The following PPP3CA variants were observed in gnomAD, a reference collection of about 807,000 sequenced individuals.
PPP3CA encodes protein phosphatase 3 catalytic subunit alpha, also known as CAM-PRP catalytic subunit.
Under a neutral mutation model 66.5 loss-of-function variants are expected in PPP3CA, and 14 were observed. The ratio of observed to expected loss-of-function variants is 0.21; its 90% CI spans 0.14 to 0.33. PPP3CA has a LOEUF of 0.33. Ranked by LOEUF, PPP3CA falls within the 10% of genes least tolerant of loss-of-function variation. The pLI is 1.00. For synonymous variants in PPP3CA, 232 were observed against 226.2 expected (o/e 1.03, Z -0.23); for missense variants, 317 against 639.5 (o/e 0.50, Z 5.44).
At chr4:101,269,508 CTTA>C (rs1355708046) in intron 1 of PPP3CA, among the ~76,000 whole-genome samples, 3 of 149,656 alleles carry the variant, frequency 2.0e-5, no homozygotes, top group Non-Finnish European at 4.5e-5. Flanking sequence ...GTTTTGTCTT[CTTA>C]TCATGCACAG....
chr4:101,278,271 A>G (rs1398463974), intron 1 of PPP3CA, among the ~76,000 whole-genome samples: 1 of 152,112 alleles, frequency 6.6e-6, no homozygotes, highest in Non-Finnish European at 1.5e-5. Flanking sequence ...ATGTCTTTAA[A>G]ATATATTCAA....
In PPP3CA at chr4:101,271,783, T is replaced by G. The variant is rs532103803; in HGVS notation, c.58+74956A>C. 2.0e-5 allele frequency among the ~76,000 whole-genome samples: 3 copies of G among 152,208 alleles called. No individual in the cohort carries two copies. In the South Asian group the frequency reaches 6.2e-4, roughly 32 times the overall value. ...AAGGTCTCCCCATAAACTAATATAG[T>G]GTAGATAAACCACAAACAAGGGTAA... On this transcript the variant is annotated intron_variant, in intron 1 of 13. Transcript: ENST00000394854.
intron 1 of PPP3CA, among the ~76,000 whole-genome samples, chr4:101,344,771 T>C (rs1177970582): frequency 6.6e-6 from 1 of 152,248 alleles, no homozygotes; most frequent in Non-Finnish European, 1.5e-5. Context: ...TACACCTACA[T>C]TAAGAATCCA....
At chr4:101,332,851 C>T (rs182890754) in intron 1 of PPP3CA, among the ~76,000 whole-genome samples, 14 of 152,284 alleles carry the variant, frequency 9.2e-5, no homozygotes, top group Admixed American at 5.2e-4. Flanking sequence ...CAGATTTTGT[C>T]TAGCTGTAAA....
intron 2 of PPP3CA, among the ~76,000 whole-genome samples, chr4:101,194,676 C>T (rs958480532): frequency 1.3e-5 from 2 of 152,038 alleles, no homozygotes; most frequent in African/African-American, 4.8e-5. Flanking sequence ...AAGAGATTCT[C>T]CTGCCTCAGC....
intron 1 of PPP3CA, among the ~76,000 whole-genome samples, chr4:101,245,480 GT>G (rs1160972877): frequency 6.6e-6 from 1 of 152,006 alleles, no homozygotes; most frequent in African/African-American, 2.4e-5. Context: ...TCATTTGTTT[GT>G]TTGAAAAGGG....
chr4:101,029,347 T>TAAAAAAAAAAAAAAAAAAAAAAAGG (rs1726818285), intron 12 of PPP3CA, 152 bp from the exon 13 acceptor site: 1 of 78,822 alleles, frequency 1.3e-5, no homozygotes, highest in Non-Finnish European at 2.1e-5. Context: ...ACAGAAATGC[T>TAAAAAAAAAAAAAAAAAAAAAAAGG]AAAAAAAAAA....
At chr4:101,325,080 G>C (rs1729170439) in intron 1 of PPP3CA, among the ~76,000 whole-genome samples, 1 of 152,076 alleles carries the variant, frequency 6.6e-6, no homozygotes, top group Non-Finnish European at 1.5e-5. Flanking sequence ...AAAGGGGGAG[G>C]AAAGGAAAAA....
At chr4:101,271,657 A>G (rs1258295306) in intron 1 of PPP3CA, among the ~76,000 whole-genome samples, 2 of 152,198 alleles carry the variant, frequency 1.3e-5, no homozygotes, top group African/African-American at 2.4e-5. Context: ...GAAGAGGATC[A>G]TGCCCCTTCC....
chr4:101,052,757 C>T (rs1560579468), intron 10 of PPP3CA, among the ~76,000 whole-genome samples: 1 of 151,978 alleles, frequency 6.6e-6, no homozygotes, highest in African/African-American at 2.4e-5. Context: ...CGGATGTCCA[C>T]CCTTGCATAT....
At chr4:101,224,792 G>A (rs1457841749) in intron 1 of PPP3CA, among the ~76,000 whole-genome samples, 2 of 151,796 alleles carry the variant, frequency 1.3e-5, no homozygotes, top group Non-Finnish European at 2.9e-5. Context: ...CATGGTTAGG[G>A]TTTCCAAAGA....
chr4:101,294,148 A>G (rs1728119094), intron 1 of PPP3CA, among the ~76,000 whole-genome samples: 2 of 152,252 alleles, frequency 1.3e-5, no homozygotes, highest in Non-Finnish European at 2.9e-5. Flanking sequence ...AAGAAGTGGA[A>G]TGGAGATGGT....
intron 1 of PPP3CA, among the ~76,000 whole-genome samples, chr4:101,322,250 T>A (rs561294771): frequency 6.6e-6 from 1 of 152,136 alleles, no homozygotes; most frequent in African/African-American, 2.4e-5. Flanking sequence ...TATGGTGAAA[T>A]CCTAACCATC....
intron 2 of PPP3CA, among the ~76,000 whole-genome samples, chr4:101,116,277 C>T (rs546459937): frequency 3.3e-5 from 5 of 151,998 alleles, no homozygotes; most frequent in African/African-American, 9.6e-5. Context: ...GCTTCCTTTA[C>T]TTCAACCCAG....
intron 11 of PPP3CA, among the ~76,000 whole-genome samples, chr4:101,036,808 T>G (rs17030724): frequency 0.049 from 7,517 of 152,312 alleles, 648 homozygotes; most frequent in African/African-American, 0.17. Flanking sequence ...CAGTGCATCC[T>G]ACTCTTCCCG....
At chr4:101,303,244 A>G (rs567157665) in intron 1 of PPP3CA, among the ~76,000 whole-genome samples, 1 of 152,316 alleles carries the variant, frequency 6.6e-6, no homozygotes, top group African/African-American at 2.4e-5. Flanking sequence ...TATATGTAAA[A>G]TTCTACTGAT....
chr4:101,115,171 G>A (rs1721801836), intron 2 of PPP3CA, among the ~76,000 whole-genome samples: 1 of 152,024 alleles, frequency 6.6e-6, no homozygotes, highest in African/African-American at 2.4e-5. Context: ...AGCTGAGTAA[G>A]CTCTTGCAAT....
At chr4:101,201,742 A>G (rs1724973063) in intron 1 of PPP3CA, among the ~76,000 whole-genome samples, 1 of 152,256 alleles carries the variant, frequency 6.6e-6, no homozygotes, top group African/African-American at 2.4e-5. Context: ...GAACAGCTTA[A>G]GCATATCACA....
At chr4:101,062,205 C>T (rs1312223783) in intron 9 of PPP3CA, among the ~76,000 whole-genome samples, 3 of 152,076 alleles carry the variant, frequency 2.0e-5, no homozygotes, top group Non-Finnish European at 4.4e-5. Context: ...ACAGATGACA[C>T]TACTCCAATT....
Sources: allele counts gnomAD v4.1 joint callset (sites outside exome capture counted in the v4.1 genomes callset), GRCh38; gene constraint gnomAD v4.1.1; transcripts MANE v1.5; gene names NCBI Gene and HGNC (gene_info 2026-07-23, HGNC 2026-07-21).